VAV3: variants seen among roughly 807,000 people sequenced by gnomAD.
The protein encoded by VAV3 is vav guanine nucleotide exchange factor 3, also known as guanine nucleotide exchange factor VAV3.
In VAV3, 94 loss-of-function variants were observed where a neutral mutation model predicts 131.2. The observed-to-expected ratio is 0.72, with a 90% CI of 0.61 to 0.85. VAV3 has a LOEUF of 0.85. Ranked by LOEUF, VAV3 falls within the 40% of genes least tolerant of loss-of-function variation. VAV3 has a pLI of 0.00. For missense variants in VAV3, 939 were observed against 1,002.7 expected, an observed-to-expected ratio of 0.94 and a Z score of 0.86; for synonymous variants, 349 against 342.0, an observed-to-expected ratio of 1.02 and a Z score of -0.22.
intron 19 of VAV3, among the ~76,000 whole-genome samples, chr1:107,646,779 T>C (rs1417426037): frequency 6.6e-6 from 1 of 152,034 alleles, no homozygotes; most frequent in Non-Finnish European, 1.5e-5. Context: ...ATTAAAAGGA[T>C]AGTTACACTC....
intron 15 of VAV3, among the ~76,000 whole-genome samples, chr1:107,747,005 G>A (rs549325982): frequency 7.9e-5 from 12 of 151,950 alleles, no homozygotes; most frequent in Admixed American, 4.6e-4. Context: ...TCAGTCTTGC[G>A]AGTAGCTGGG....
At chr1:107,849,167 A>G (rs1030085704) in intron 2 of VAV3, among the ~76,000 whole-genome samples, 8 of 152,168 alleles carry the variant, frequency 5.3e-5, no homozygotes, top group African/African-American at 1.9e-4. Flanking sequence ...TTGTAGATTC[A>G]ATGCTACCCC....
rs1248856445 is a variant in VAV3 at position 107,572,383 on chromosome 1, C to CT, written c.*947dup. ...ATAAAAAAATCATGTCCCAGGTCAT[C>CT]TTTGTGTGTGTGCGGGGGAGGTGGA... On this transcript the variant is annotated 3_prime_UTR_variant, in exon 27 of 27. Coordinates refer to ENST00000370056, the MANE Select transcript of VAV3 (RefSeq NM_006113.5). The CT allele has an allele frequency of 6.6e-6, 1 of 152,250 alleles. No homozygotes were observed. The highest frequency in any genetic ancestry group is 1.5e-5 in the Non-Finnish European group (1 of 68,050). 9.4% of individuals were successfully genotyped at this position (152,250 alleles called of 1,614,324 possible). A position where few individuals can be genotyped will look rare whatever the true frequency, so the allele number is the denominator to read the frequency against.
At chr1:107,623,426 T>C (rs4514262) in intron 20 of VAV3, among the ~76,000 whole-genome samples, 58,125 of 152,118 alleles carry the variant, frequency 0.38, 11,591 homozygotes, top group East Asian at 0.47. Flanking sequence ...GTTATTAAAA[T>C]AGAAATGTCT....
At position 107,607,152 on chromosome 1, in the gene VAV3, C is replaced by T. The variant is rs181427960; in HGVS notation, c.2015+2779G>A. ...TGTATTTTTAGTAGAGATGGGGTTT[C>T]ACTATGTTCCAGGCTGGTCTTGAAC... On this transcript the variant is annotated intron_variant, in intron 22 of 26. Transcript: ENST00000370056. Among the ~76,000 whole-genome samples, 142 of 151,968 alleles carry T rather than the reference C, an allele frequency of 9.3e-4. 1 individual carries two copies. The highest frequency in any genetic ancestry group is 3.3e-3 in the African/African-American group (138 of 41,440).
intron 19 of VAV3, chr1:107,668,955 A>T (rs972556940): frequency 1.0e-6 from 1 of 990,508 alleles, no homozygotes; most frequent in Non-Finnish European, 1.2e-6. Flanking sequence ...AATTCTCTTC[A>T]ACTCTTTCGC....
intron 20 of VAV3, among the ~76,000 whole-genome samples, chr1:107,631,380 T>A (rs1317133672): frequency 6.6e-6 from 1 of 152,090 alleles, no homozygotes; most frequent in Non-Finnish European, 1.5e-5. Context: ...TAAGATTATA[T>A]AACATTAAAA....
At chr1:107,720,934 G>C (rs17019768) in intron 15 of VAV3, among the ~76,000 whole-genome samples, 13,803 of 152,184 alleles carry the variant, frequency 0.091, 862 homozygotes, top group East Asian at 0.25. Context: ...GGTATGAGAG[G>C]ATAATTGGCT....
chr1:107,770,499 C>G, intron 6 of VAV3, 137 bp downstream of exon 6: 1 of 644,084 alleles, frequency 1.6e-6, no homozygotes, highest in Non-Finnish European at 2.7e-6. Flanking sequence ...ATGAATAAAT[C>G]TGCTTTGAGA....
At chr1:107,663,798 A>C (rs1265834078) in intron 19 of VAV3, among the ~76,000 whole-genome samples, 1 of 152,188 alleles carries the variant, frequency 6.6e-6, no homozygotes, top group Non-Finnish European at 1.5e-5. Flanking sequence ...TATTGTTCTA[A>C]TTTGGCTCTA....
chr1:107,596,131 A>AT, intron 25 of VAV3, 81 bp downstream of exon 25: 1 of 1,540,572 alleles, frequency 6.5e-7, no homozygotes, highest in South Asian at 1.3e-5. Flanking sequence ...ATATTTTAAA[A>AT]TTTGGAAGGA....
At chr1:107,822,560 C>G (rs1054728886) in intron 2 of VAV3, among the ~76,000 whole-genome samples, 6 of 151,726 alleles carry the variant, frequency 4.0e-5, no homozygotes, top group African/African-American at 1.2e-4. Flanking sequence ...GAGGCTGAGG[C>G]AGGAGAATGG....
At chr1:107,961,584 G>A (rs973299986) in intron 1 of VAV3, among the ~76,000 whole-genome samples, 3 of 152,082 alleles carry the variant, frequency 2.0e-5, no homozygotes, top group African/African-American at 7.2e-5. Flanking sequence ...ATAATAAGAG[G>A]AACATGTTAA....
At chr1:107,737,384 A>G (rs1570864633) in intron 15 of VAV3, among the ~76,000 whole-genome samples, 1 of 152,250 alleles carries the variant, frequency 6.6e-6, no homozygotes, top group Admixed American at 6.5e-5. Flanking sequence ...GAGCTTCTGC[A>G]CAGCAAAAGA....
At chr1:107,630,132 T>G (rs1438242544) in intron 20 of VAV3, among the ~76,000 whole-genome samples, 1 of 152,162 alleles carries the variant, frequency 6.6e-6, no homozygotes, top group African/African-American at 2.4e-5. Context: ...ACAATATGAT[T>G]TACAAAAACC....
At chr1:107,578,217 T>A (rs1345258646) in intron 25 of VAV3, among the ~76,000 whole-genome samples, 1 of 152,232 alleles carries the variant, frequency 6.6e-6, no homozygotes. Flanking sequence ...ACTTTTCTCA[T>A]GAATGGCCTC....
chr1:107,826,976 G>C (rs1668044754), intron 2 of VAV3, among the ~76,000 whole-genome samples: 1 of 151,914 alleles, frequency 6.6e-6, no homozygotes, highest in South Asian at 2.1e-4. Context: ...ACCATTTGCT[G>C]TATAAATCTT....
intron 1 of VAV3, among the ~76,000 whole-genome samples, chr1:107,889,136 T>A (rs796325712): frequency 6.8e-6 from 1 of 146,662 alleles, no homozygotes; most frequent in African/African-American, 2.6e-5. Context: ...GTGTAGAGTG[T>A]GTGTGTGTGT....
chr1:107,720,417 AAATAAATAAAT>A (rs1661419796), intron 15 of VAV3, among the ~76,000 whole-genome samples: 1 of 139,236 alleles, frequency 7.2e-6, no homozygotes, highest in South Asian at 2.3e-4. Context: ...ATAAATAAAT[AAATAAATAAAT>A]AAAAGTTCCA....
Sources: gnomAD v4.1 joint callset for allele counts (sites outside exome capture counted in the v4.1 genomes callset) on GRCh38, gnomAD v4.1.1 for gene constraint, MANE v1.5 for transcripts, NCBI Gene and HGNC (gene_info 2026-07-23, HGNC 2026-07-21) for gene names.